Variants in TMEM19 observed in about 807,000 individuals in gnomAD.
TMEM19 encodes the protein transmembrane protein 19.
In TMEM19, 21 loss-of-function variants were observed where a neutral mutation model predicts 33.6. The ratio of observed to expected loss-of-function variants is 0.62; its 90% CI spans 0.44 to 0.90. The LOEUF (loss-of-function observed/expected upper bound fraction) is 0.90, where lower values mean the gene tolerates loss of function less well. Ranked by LOEUF, TMEM19 falls within the 40% of genes least tolerant of loss-of-function variation. TMEM19 has a pLI of 0.00. For missense variants in TMEM19, 402 were observed against 401.8 expected, an observed-to-expected ratio of 1.00 and a Z score of 0.00; for synonymous variants, 149 against 147.5, an observed-to-expected ratio of 1.01 and a Z score of -0.07.
Position 71,700,938 on chromosome 12 carries a change from T to C in TMEM19, c.954T>C (p.Ser318=), listed in dbSNP as rs1458244325. 1 of 1,613,698 alleles carries C rather than the reference T, an allele frequency of 6.2e-7. No homozygotes were observed. The highest frequency in any genetic ancestry group is 8.5e-7 in the Non-Finnish European group (1 of 1,179,808). Reference sequence around the variant, plus strand: ...ACAACGCAGTGAATCTGTTTTCTTCTGTTCTTATTGCCCTCTTGCTCCCAA... The same window carrying C: ...ACAACGCAGTGAATCTGTTTTCTTCCGTTCTTATTGCCCTCTTGCTCCCAA... ...LDNNAVNLFS[S]VLIALLLPTA... is the part of the protein sequence containing the mutation. The change falls in exon 6 of 6, where the codon TCT becomes TCC. Residue 318 remains serine (S), a synonymous_variant. Coordinates refer to ENST00000266673, the MANE Select transcript of TMEM19 (RefSeq NM_018279.4).
chr12:71,690,696 T>C (rs1881770558), intron 2 of TMEM19, among the ~76,000 whole-genome samples: 1 of 152,200 alleles, frequency 6.6e-6, no homozygotes, highest in Non-Finnish European at 1.5e-5. Context: ...CTGTAAATGG[T>C]GTCAGGTGCT....
rs954832101 is a variant in TMEM19 at position 71,703,007 on chromosome 12, C to T, written c.*2012C>T. 3 of 151,538 alleles carry T rather than the reference C, an allele frequency of 2.0e-5. No individual in the cohort carries two copies. The highest frequency in any genetic ancestry group is 7.3e-5 in the African/African-American group (3 of 41,264). 9.4% of individuals were successfully genotyped at this position (151,538 alleles called of 1,614,324 possible). A position where few individuals can be genotyped will look rare whatever the true frequency, so the allele number is the denominator to read the frequency against. ...CCAGCCTGGCCAACATGGTGAAACA[C>T]CGTCTCTACTAAAAATACAAAAAAT... On this transcript the variant is annotated 3_prime_UTR_variant, in exon 6 of 6. Transcript: ENST00000266673.
intron 2 of TMEM19, among the ~76,000 whole-genome samples, chr12:71,691,605 CAAAAAAAAAAAAAAA>C (rs57138830): frequency 0.024 from 1,167 of 49,562 alleles, 20 homozygotes; most frequent in African/African-American, 0.053. Flanking sequence ...TTCACCTCTA[CAAAAAAAAAAAAAAA>C]AAAAAAAAAA....
At position 71,703,187 on chromosome 12, in the gene TMEM19, C is replaced by CAAAAAAAAAAAAAAAAAAAAAAAAAAA. The variant is rs57148356; in HGVS notation, c.*2205_*2231dup. 2.1e-5 allele frequency: 1 copy of CAAAAAAAAAAAAAAAAAAAAAAAAAAA among 47,190 alleles called. No homozygotes were observed. Among genetic ancestry groups the CAAAAAAAAAAAAAAAAAAAAAAAAAAA allele is most frequent in the Non-Finnish European group, 5.1e-5 (1 of 19,698 alleles). The allele number at this position is 47,190 out of a possible 1,614,324, so 2.9% of individuals were successfully genotyped here. ...GGGAGACTCCATCTAGACTCCATCTCAAAAAAAAAAAAAAAAAAAAAAAAA... is the reference window on the plus strand; with the variant it reads ...GGGAGACTCCATCTAGACTCCATCTCAAAAAAAAAAAAAAAAAAAAAAAAAAAAAAAAAAAAAAAAAAAAAAAAAAAA... On this transcript the variant is annotated 3_prime_UTR_variant, in exon 6 of 6. Coordinates refer to ENST00000266673, the MANE Select transcript of TMEM19 (RefSeq NM_018279.4).
In TMEM19 at chr12:71,697,322, T is replaced by C. The variant is rs747645355; in HGVS notation, c.425T>C (p.Val142Ala). ...NWVQVFCNGA[V>A]PTELALLYMI... is the part of the protein sequence containing the mutation. ...GTTCAGGTGTTCTGTAATGGAGCTGTACCCACAGAACTGGCCCTGCTGTAC... is the reference window on the plus strand; with the variant it reads ...GTTCAGGTGTTCTGTAATGGAGCTGCACCCACAGAACTGGCCCTGCTGTAC... The change falls in exon 4 of 6, where the codon GTA becomes GCA. Residue 142 changes from valine to alanine, a missense_variant. Physicochemically the swap from Val to Ala is moderately conservative, Grantham distance 64. Coordinates refer to ENST00000266673, the MANE Select transcript of TMEM19 (RefSeq NM_018279.4). 1.9e-6 allele frequency: 3 copies of C among 1,608,692 alleles called. No homozygotes were observed. Among genetic ancestry groups the C allele is most frequent in the Admixed American group, 1.7e-5 (1 of 58,810 alleles).
In TMEM19 at chr12:71,698,914, G is replaced by A; in HGVS notation, c.652G>A (p.Val218Ile). 6.2e-7 allele frequency: 1 copy of A among 1,614,118 alleles called. No individual in the cohort carries two copies. ...TTCTTCTTCAGGTACCAATGGAGGA[G>A]TTACAGTGGTGGGCCTTGTCTCCAG... is the stretch of plus-strand genomic sequence containing the variant. ...EKVPVGTNGG[V>I]TVVGLVSSLL... The change falls in exon 5 of 6, where the codon GTT becomes ATT. Residue 218 changes from valine (V) to isoleucine (I), a missense_variant. Val to Ile is a conservative substitution (Grantham distance 29). Transcript: ENST00000266673.
chr12:71,686,839 C>A, intron 1 of TMEM19, 29 bp downstream of exon 1: 1 of 1,579,134 alleles, frequency 6.3e-7, no homozygotes, highest in South Asian at 1.1e-5. Context: ...AGTTGTTTCT[C>A]TGTAATCTAG....
intron 1 of TMEM19, among the ~76,000 whole-genome samples, chr12:71,688,966 C>G (rs775840189): frequency 1.3e-5 from 2 of 151,782 alleles, no homozygotes; most frequent in Admixed American, 6.6e-5. Context: ...AATACGTGCC[C>G]CCTTTAAAAA....
At chr12:71,699,974 T>C (rs1447579206) in intron 5 of TMEM19, 1 of 152,250 alleles carries the variant, frequency 6.6e-6, no homozygotes, top group African/African-American at 2.4e-5. Flanking sequence ...GTGTATTTGC[T>C]CCACACTCTC....
intron 2 of TMEM19, among the ~76,000 whole-genome samples, chr12:71,695,310 A>G (rs1465063854): frequency 6.6e-6 from 1 of 152,212 alleles, no homozygotes; most frequent in Admixed American, 6.5e-5. Flanking sequence ...TGAAGTAAAA[A>G]GGATATAGAT....
intron 2 of TMEM19, among the ~76,000 whole-genome samples, chr12:71,695,381 G>C (rs1212124466): frequency 6.6e-6 from 1 of 152,082 alleles, no homozygotes; most frequent in Middle Eastern, 3.2e-3. Context: ...TTTGTTTAGA[G>C]ACGGTGGAAC....
At chr12:71,699,151 A>G in intron 5 of TMEM19, 42 bp downstream of exon 5, 1 of 1,601,016 alleles carries the variant, frequency 6.2e-7, no homozygotes, top group Non-Finnish European at 8.6e-7. Flanking sequence ...TGGTATGTTA[A>G]AGAAATAGGG....
rs1439595527 is a variant in TMEM19 at position 71,704,204 on chromosome 12, G to A, written c.*3209G>A. 1.9e-5 allele frequency: 4 copies of A among 213,354 alleles called. No homozygotes were observed. Among genetic ancestry groups the A allele is most frequent in the South Asian group, 6.5e-5 (1 of 15,330 alleles). The allele number at this position is 213,354 out of a possible 1,614,324, so 13.2% of individuals were successfully genotyped here. A position where few individuals can be genotyped will look rare whatever the true frequency, so the allele number is the denominator to read the frequency against. On this transcript the variant is annotated 3_prime_UTR_variant, in exon 6 of 6. Transcript: ENST00000266673. ...ACCAAGAGACCAAAGAATTGATACA[G>A]CAGGTCATTCTATTATTAGCTTTTC...
chr12:71,695,489 T>A (rs1319696954), intron 2 of TMEM19, among the ~76,000 whole-genome samples: 1 of 152,200 alleles, frequency 6.6e-6, no homozygotes, highest in Admixed American at 6.5e-5. Context: ...CCTTCAGTAG[T>A]TGCATACAAC....
At chr12:71,698,326 G>A (rs940488445) in intron 4 of TMEM19, among the ~76,000 whole-genome samples, 3 of 151,760 alleles carry the variant, frequency 2.0e-5, no homozygotes, top group African/African-American at 4.8e-5. Context: ...TGCTTTACAC[G>A]GATTGCCACT....
In TMEM19 at chr12:71,703,989, A is replaced by G. The variant is rs566176973; in HGVS notation, c.*2994A>G. ...TTCCTCTTTGCAGAATGGGCAGTTC[A>G]TGTTAAAATCACTTTTCATGGAAAG... On this transcript the variant is annotated 3_prime_UTR_variant, in exon 6 of 6. Coordinates refer to ENST00000266673, the MANE Select transcript of TMEM19 (RefSeq NM_018279.4). 3.4e-4 allele frequency: 154 copies of G among 452,450 alleles called. 1 individual carries two copies. Among genetic ancestry groups the G allele is most frequent in the South Asian group, 2.3e-3 (149 of 64,108 alleles). The allele number at this position is 452,450 out of a possible 1,614,324, so 28.0% of individuals were successfully genotyped here. A position where few individuals can be genotyped will look rare whatever the true frequency, so the allele number is the denominator to read the frequency against.
chr12:71,699,383 A>G (rs866296934), intron 5 of TMEM19: 20 of 551,068 alleles, frequency 3.6e-5, no homozygotes, highest in Middle Eastern at 9.4e-4. Flanking sequence ...GCCATTACCT[A>G]ATCCCAGAAA....
chr12:71,693,519 G>A lies in TMEM19; in HGVS notation c.245-2917G>A, dbSNP rs1166141426. 2.0e-5 allele frequency among the ~76,000 whole-genome samples: 3 copies of A among 152,088 alleles called. No homozygotes were observed. The East Asian group carries it at 5.8e-4, about 29-fold the overall frequency. On this transcript the variant is annotated intron_variant, in intron 2 of 5. Coordinates refer to ENST00000266673, the MANE Select transcript of TMEM19 (RefSeq NM_018279.4). ...CTTGTCCTGTCTATAAAATGTGAAGGAATAATGGTATCTATAGCAATGAAT... is the reference window on the plus strand; with the variant it reads ...CTTGTCCTGTCTATAAAATGTGAAGAAATAATGGTATCTATAGCAATGAAT...
intron 2 of TMEM19, among the ~76,000 whole-genome samples, chr12:71,691,878 G>A (rs990198603): frequency 1.3e-5 from 2 of 151,928 alleles, no homozygotes; most frequent in African/African-American, 4.8e-5. Flanking sequence ...TGACTTTTAC[G>A]ATCTCTACTG....
Sources: allele counts gnomAD v4.1 joint callset (sites outside exome capture counted in the v4.1 genomes callset), GRCh38; gene constraint gnomAD v4.1.1; transcripts MANE v1.5; gene names NCBI Gene and HGNC (gene_info 2026-07-23, HGNC 2026-07-21).